OXSR1: variants seen among roughly 807,000 people sequenced by gnomAD.
OXSR1 encodes the protein oxidative stress responsive kinase 1, also known as serine/threonine-protein kinase OSR1.
In OXSR1, 24 loss-of-function variants were observed where a neutral mutation model predicts 79.8. That is an observed-to-expected ratio of 0.30 (90% confidence interval 0.22 to 0.42). The LOEUF is 0.42. OXSR1 is among the 10% of genes least tolerant of loss of function. The pLI is 1.00. For synonymous variants in OXSR1, 226 were observed against 209.2 expected (o/e 1.08, Z -0.69); for missense variants, 430 against 618.4 (o/e 0.70, Z 3.23).
chr3:38,178,616 ATATATTT>A (rs1271995553), intron 1 of OXSR1, among the ~76,000 whole-genome samples: 97 of 88,006 alleles, frequency 1.1e-3, no homozygotes, highest in African/African-American at 5.1e-3. Context: ...ATATATATAT[ATATATTT>A]TTTTTTTTTT....
intron 12 of OXSR1, 127 bp downstream of exon 12, chr3:38,242,905 T>C: frequency 2.1e-6 from 1 of 478,114 alleles, no homozygotes; most frequent in Non-Finnish European, 3.8e-6. Flanking sequence ...CAATCGAATT[T>C]TAAAAGTTGG....
chr3:38,198,783 A>G lies in OXSR1; in HGVS notation c.354A>G (p.Leu118=). The G allele has an allele frequency of 1.2e-6, 2 of 1,612,884 alleles. No homozygotes were observed. The highest frequency in any genetic ancestry group is 8.5e-7 in the Non-Finnish European group (1 of 1,178,886). The change falls in exon 4 of 18, where the codon CTA becomes CTG. Residue 118 remains leucine, a synonymous_variant. Transcript: ENST00000311806. ...AAGGGGAACACAAAAGTGGAGTCCTAGATGAATCTACCATTGCTACGATAC... is the reference window on the plus strand; with the variant it reads ...AAGGGGAACACAAAAGTGGAGTCCTGGATGAATCTACCATTGCTACGATAC... The part of the protein sequence containing the change: ...VAKGEHKSGV[L]DESTIATILR...
At chr3:38,216,053 A>G in intron 4 of OXSR1, 43 bp from the exon 5 acceptor site, 1 of 1,215,574 alleles carries the variant, frequency 8.2e-7, no homozygotes, top group South Asian at 1.3e-5. Context: ...TACTCCAAAG[A>G]ATAGATGTTT....
chr3:38,178,678 AT>A (rs1213258088), intron 1 of OXSR1, among the ~76,000 whole-genome samples: 26 of 136,690 alleles, frequency 1.9e-4, no homozygotes, highest in Admixed American at 4.0e-4. Context: ...AGGTTTCACC[AT>A]GTGGCCCTGG....
rs1055525995 is a variant in OXSR1, at chr3:38,209,080, A to T, written c.435-7016A>T. Among the ~76,000 whole-genome samples, 37 of 151,298 alleles carry T rather than the reference A, an allele frequency of 2.4e-4. 1 individual carries two copies. Among genetic ancestry groups the T allele is most frequent in the Non-Finnish European group, 2.2e-4 (15 of 67,916 alleles). On this transcript the variant is annotated intron_variant, in intron 4 of 17. Coordinates refer to ENST00000311806, the MANE Select transcript of OXSR1 (RefSeq NM_005109.3). The stretch of plus-strand genomic sequence containing the variant: ...TTACTCATTGAAACCTCAGCTTTAC[A>T]ATTTGTAGTAGTCTGATTTTTTTTT...
At position 38,165,870 on chromosome 3, in the gene OXSR1, C is replaced by T; in HGVS notation, c.-7C>T. 2.5e-6 allele frequency: 4 copies of T among 1,608,962 alleles called. No homozygotes were observed. The highest frequency in any genetic ancestry group is 3.4e-6 in the Non-Finnish European group (4 of 1,178,522). ...TTGAGGGAGGACCGCGAGCCGCTGC[C>T]GCCGTCATGTCCGAGGACTCGAGCG... On this transcript the variant is annotated 5_prime_UTR_variant, in exon 1 of 18. Transcript: ENST00000311806.
At chr3:38,195,866 T>C (rs1252604333) in intron 3 of OXSR1, among the ~76,000 whole-genome samples, 1 of 152,254 alleles carries the variant, frequency 6.6e-6, no homozygotes, top group East Asian at 1.9e-4. Context: ...ATAGATGATC[T>C]ACATTTAAAC....
chr3:38,168,141 A>G (rs985785153), intron 1 of OXSR1, among the ~76,000 whole-genome samples: 1 of 152,212 alleles, frequency 6.6e-6, no homozygotes, highest in African/African-American at 2.4e-5. Flanking sequence ...ATGGTTTTTA[A>G]AAGGTTAGGA....
chr3:38,182,389 C>T (rs1305003044), intron 1 of OXSR1, among the ~76,000 whole-genome samples: 1 of 152,242 alleles, frequency 6.6e-6, no homozygotes, highest in Non-Finnish European at 1.5e-5. Context: ...GGGTTCACCA[C>T]TGTCCTGGAT....
chr3:38,189,366 A>G (rs945476946), intron 2 of OXSR1, among the ~76,000 whole-genome samples: 5 of 152,028 alleles, frequency 3.3e-5, no homozygotes, highest in African/African-American at 1.2e-4. Context: ...ATTCTGTATA[A>G]CTATGTTAGT....
chr3:38,204,879 C>T (rs114815790), intron 4 of OXSR1, among the ~76,000 whole-genome samples: 332 of 151,954 alleles, frequency 2.2e-3, no homozygotes, highest in African/African-American at 7.4e-3. Context: ...AGTACAGCAC[C>T]AGAACTTGCC....
chr3:38,226,405 A>G (rs893911508), intron 8 of OXSR1, among the ~76,000 whole-genome samples: 1 of 152,194 alleles, frequency 6.6e-6, no homozygotes, highest in African/African-American at 2.4e-5. Flanking sequence ...GAAGAACCAA[A>G]TAGCAATGCC....
At chr3:38,193,474 A>G in intron 3 of OXSR1, 1 of 1,088,534 alleles carries the variant, frequency 9.2e-7, no homozygotes, top group Non-Finnish European at 1.2e-6. Context: ...TTTATTTGTA[A>G]TTTACGAGAA....
intron 1 of OXSR1, among the ~76,000 whole-genome samples, chr3:38,178,620 A>ATTT (rs71085303): frequency 4.4e-4 from 42 of 95,092 alleles, no homozygotes; most frequent in East Asian, 6.5e-4. Context: ...ATATATATAT[A>ATTT]TTTTTTTTTT....
At chr3:38,233,729 C>T (rs1451684933) in intron 10 of OXSR1, among the ~76,000 whole-genome samples, 2 of 151,510 alleles carry the variant, frequency 1.3e-5, no homozygotes, top group African/African-American at 2.4e-5. Context: ...TCCTGGGTAA[C>T]AAGGCAAGAC....
At chr3:38,209,524 A>G (rs1272660899) in intron 4 of OXSR1, among the ~76,000 whole-genome samples, 3 of 152,154 alleles carry the variant, frequency 2.0e-5, no homozygotes, top group Non-Finnish European at 2.9e-5. Context: ...TCGGCCTTCC[A>G]AAGTGCTGGA....
In OXSR1 at chr3:38,193,129, G is replaced by C. The variant is rs13327788; in HGVS notation, c.292+2290G>C. On this transcript the variant is annotated intron_variant, in intron 3 of 17. Transcript: ENST00000311806. ...CCTTTCTGCATTTCAGGGTATTGAT[G>C]AGGAGTAAATGAGATGATACATGTA... Among the ~76,000 whole-genome samples the C allele has an allele frequency of 6.4e-3, 975 of 152,302 alleles. 9 individuals are homozygous for C. Among genetic ancestry groups the C allele is most frequent in the African/African-American group, 0.023 (939 of 41,554 alleles).
At chr3:38,193,395 T>C in intron 3 of OXSR1, 2 of 1,287,922 alleles carry the variant, frequency 1.6e-6, no homozygotes, top group Non-Finnish European at 2.0e-6. Context: ...GTTCTTTCAG[T>C]ATGGAGAGAT....
At chr3:38,164,958 A>AC (rs1304473733), upstream of OXSR1, 2 of 151,880 alleles carry the variant, frequency 1.3e-5, no homozygotes. Flanking sequence ...CCCAAAGGCT[A>AC]CCCCACCCAG....
Sources: allele counts gnomAD v4.1 joint callset (sites outside exome capture counted in the v4.1 genomes callset), GRCh38; gene constraint gnomAD v4.1.1; transcripts MANE v1.5; gene names NCBI Gene and HGNC (gene_info 2026-07-23, HGNC 2026-07-21).